CLIC4: variants seen among roughly 807,000 people sequenced by gnomAD.
CLIC4 encodes CLIC family member 4.
In CLIC4, 13 loss-of-function variants were observed where a neutral mutation model predicts 24.6. The observed-to-expected ratio is 0.53, with a 90% confidence interval of 0.34 to 0.84. The LOEUF is 0.84. Among genes scored for constraint, CLIC4 ranks in the 40% least tolerant of loss-of-function variants. The pLI is 0.01. For missense variants in CLIC4, 227 were observed against 301.7 expected (o/e 0.75, Z 1.83); for synonymous variants, 104 against 111.3 (o/e 0.93, Z 0.41).
intron 2 of CLIC4, among the ~76,000 whole-genome samples, chr1:24,803,545 G>A (rs556065537): frequency 6.6e-6 from 1 of 152,264 alleles, no homozygotes; most frequent in South Asian, 2.1e-4. Flanking sequence ...GCCTGCCAGA[G>A]CAGCCTTCGT....
At chr1:24,839,031 A>G (rs555701176) in intron 4 of CLIC4, among the ~76,000 whole-genome samples, 1 of 152,278 alleles carries the variant, frequency 6.6e-6, no homozygotes, top group East Asian at 1.9e-4. Flanking sequence ...AGATAGTGCT[A>G]TTCTTGGCTT....
intron 2 of CLIC4, 66 bp downstream of exon 2, chr1:24,797,917 C>T: frequency 1.9e-6 from 2 of 1,055,460 alleles, no homozygotes; most frequent in Non-Finnish European, 1.4e-6. Context: ...ATCCTATTTT[C>T]ACCTTGATGG....
chr1:24,825,780 C>A (rs1639781576), intron 3 of CLIC4, among the ~76,000 whole-genome samples: 1 of 152,288 alleles, frequency 6.6e-6, no homozygotes, highest in East Asian at 1.9e-4. Context: ...AGCTGAAACA[C>A]AACTTGCAAC....
At position 24,797,871 on chromosome 1, in the gene CLIC4, T is replaced by C; in HGVS notation, c.182+20T>C. ...GAAAAGGTAAGACATGGTCGCAGTT[T>C]GCAATCAACTTAAGCTGAACTATCT... On this transcript the variant is annotated intron_variant, in intron 2 of 5. Transcript: ENST00000374379. 6 of 1,518,294 alleles carry C rather than the reference T, an allele frequency of 4.0e-6. No homozygotes were observed. The South Asian group carries it at 6.9e-5, about 17-fold the overall frequency. 94.1% of individuals were successfully genotyped at this position (1,518,294 alleles called of 1,614,324 possible).
At chr1:24,787,680 C>G (rs1023124732) in intron 1 of CLIC4, among the ~76,000 whole-genome samples, 1 of 150,880 alleles carries the variant, frequency 6.6e-6, no homozygotes, top group East Asian at 1.9e-4. Flanking sequence ...GGACTACAGG[C>G]GTCTGCCACC....
chr1:24,824,577 A>G (rs1639768593), intron 3 of CLIC4, among the ~76,000 whole-genome samples: 2 of 152,118 alleles, frequency 1.3e-5, no homozygotes, highest in African/African-American at 4.8e-5. Flanking sequence ...CTCGTTTGTC[A>G]ATACTTTTAA....
At chr1:24,811,040 C>T (rs534076494) in intron 2 of CLIC4, among the ~76,000 whole-genome samples, 1 of 150,702 alleles carries the variant, frequency 6.6e-6, no homozygotes, top group African/African-American at 2.4e-5. Context: ...GATCGCACCA[C>T]TGCACTTCAG....
At chr1:24,796,711 G>A (rs1036903956) in intron 1 of CLIC4, among the ~76,000 whole-genome samples, 7 of 152,164 alleles carry the variant, frequency 4.6e-5, no homozygotes, top group African/African-American at 9.6e-5. Flanking sequence ...TGCTAGAATC[G>A]CCTAACAGCA....
At chr1:24,766,704 C>T (rs898704669) in intron 1 of CLIC4, among the ~76,000 whole-genome samples, 1 of 150,764 alleles carries the variant, frequency 6.6e-6, no homozygotes, top group African/African-American at 2.4e-5. Context: ...CATAGTTTCG[C>T]TATGTTGGCC....
intron 1 of CLIC4, among the ~76,000 whole-genome samples, chr1:24,787,638 G>A (rs1411964911): frequency 6.6e-6 from 1 of 150,800 alleles, no homozygotes; most frequent in Non-Finnish European, 1.5e-5. Context: ...CCGTGTTCAC[G>A]CATTCTCCTG....
chr1:24,824,996 T>TCACACACACA (rs3220273), intron 3 of CLIC4, among the ~76,000 whole-genome samples: 402 of 133,940 alleles, frequency 3.0e-3, no homozygotes, highest in East Asian at 9.1e-3. Flanking sequence ...GGAGACCCTG[T>TCACACACACA]CACACACACA....
chr1:24,820,516 A>G (rs1639719599), intron 3 of CLIC4, among the ~76,000 whole-genome samples: 1 of 151,916 alleles, frequency 6.6e-6, no homozygotes, highest in African/African-American at 2.4e-5. Context: ...CTCCTGCCTC[A>G]GCCTCCCAAA....
At chr1:24,793,485 C>G in intron 1 of CLIC4, among the ~76,000 whole-genome samples, 1 of 152,166 alleles carries the variant, frequency 6.6e-6, no homozygotes, top group Non-Finnish European at 1.5e-5. Flanking sequence ...TCCTGGGCCC[C>G]AACCCGGGAG....
intron 4 of CLIC4, among the ~76,000 whole-genome samples, chr1:24,836,786 C>T (rs1051418614): frequency 3.3e-5 from 5 of 152,158 alleles, no homozygotes; most frequent in African/African-American, 4.8e-5. Context: ...TGCAGTGAGC[C>T]GAGATCGTGC....
chr1:24,842,417 G>T lies in CLIC4; in HGVS notation c.*1480G>T, dbSNP rs1368337497. On this transcript the variant is annotated 3_prime_UTR_variant, in exon 6 of 6. Coordinates refer to ENST00000374379, the MANE Select transcript of CLIC4 (RefSeq NM_013943.3). ...TTGGTAATTTTTTTATACCTAATTT[G>T]TATAGGAAGTGCTATTTCTCATAGG... The T allele has an allele frequency of 6.6e-6, 1 of 152,082 alleles. No individual in the cohort carries two copies. The highest frequency in any genetic ancestry group is 2.1e-4 in the South Asian group (1 of 4,828). The allele number at this position is 152,082 out of a possible 1,614,324, so 9.4% of individuals were successfully genotyped here.
At chr1:24,840,153 C>A in intron 5 of CLIC4, 112 bp downstream of exon 5, 1 of 1,005,008 alleles carries the variant, frequency 1.0e-6, no homozygotes, top group Non-Finnish European at 1.5e-6. Context: ...AGTTGTTTAA[C>A]TCAATGCTGT....
chr1:24,802,270 G>C (rs1188643989), intron 2 of CLIC4, among the ~76,000 whole-genome samples: 5 of 152,014 alleles, frequency 3.3e-5, no homozygotes, highest in African/African-American at 1.2e-4. Flanking sequence ...CTTTTCATTT[G>C]CAGATTTTTT....
intron 4 of CLIC4, 49 bp downstream of exon 4, chr1:24,827,165 A>G: frequency 8.9e-7 from 1 of 1,119,188 alleles, no homozygotes; most frequent in Non-Finnish European, 1.3e-6. Context: ...ACCCCAAACA[A>G]CAACAGGCTG....
intron 4 of CLIC4, among the ~76,000 whole-genome samples, chr1:24,836,748 GGATCGCAT>G (rs1459490894): frequency 6.6e-6 from 1 of 152,176 alleles, no homozygotes; most frequent in African/African-American, 2.4e-5. Context: ...TGAGGTGGGA[GGATCGCAT>G]GAGCCCAGGA....
Sources: gnomAD v4.1 joint callset for allele counts (sites outside exome capture counted in the v4.1 genomes callset) on GRCh38, gnomAD v4.1.1 for gene constraint, MANE v1.5 for transcripts, NCBI Gene and HGNC (gene_info 2026-07-23, HGNC 2026-07-21) for gene names.